The following INSC variants were observed in gnomAD, a reference collection of about 807,000 sequenced individuals.
The protein encoded by INSC is protein inscuteable homolog.
A neutral mutation model predicts 58.6 loss-of-function variants in INSC; 67 were observed. The ratio of observed to expected loss-of-function variants is 1.14; its 90% CI spans 0.94 to 1.40. INSC has a LOEUF of 1.40. INSC is among the 40% of genes most tolerant of loss of function. The probability of loss-of-function intolerance (pLI) is 0.00; values close to 1 mark genes in which losing one functional copy is unlikely to be tolerated. For missense variants in INSC, 714 were observed against 692.0 expected, an observed-to-expected ratio of 1.03 and a Z score of -0.36; for synonymous variants, 262 against 276.1, an observed-to-expected ratio of 0.95 and a Z score of 0.51.
At chr11:15,217,384 G>A (rs554430552) in intron 7 of INSC, among the ~76,000 whole-genome samples, 9 of 152,316 alleles carry the variant, frequency 5.9e-5, no homozygotes, top group Non-Finnish European at 1.2e-4. Flanking sequence ...GATTTGGGTG[G>A]GGACACAGCC....
intron 2 of INSC, among the ~76,000 whole-genome samples, chr11:15,161,280 T>C (rs1030109524): frequency 1.3e-5 from 2 of 152,174 alleles, no homozygotes; most frequent in Admixed American, 6.5e-5. Context: ...AGTTATACCA[T>C]AGGATTTACT....
At chr11:15,206,356 T>C (rs1472818638) in intron 7 of INSC, among the ~76,000 whole-genome samples, 7 of 152,012 alleles carry the variant, frequency 4.6e-5, no homozygotes, top group African/African-American at 1.7e-4. Context: ...AAAGCAGTCT[T>C]AACAAGGGCA....
chr11:15,160,963 T>C (rs771677720), intron 2 of INSC, among the ~76,000 whole-genome samples: 39 of 152,262 alleles, frequency 2.6e-4, no homozygotes, highest in Non-Finnish European at 1.6e-4. Context: ...AGCATTTTAC[T>C]GAATACTAGT....
At chr11:15,177,981 C>T (rs952184015) in intron 4 of INSC, among the ~76,000 whole-genome samples, 6 of 152,218 alleles carry the variant, frequency 3.9e-5, no homozygotes, top group African/African-American at 4.8e-5. Context: ...TTTGAAGCTT[C>T]TTGCCCCTTC....
At chr11:15,213,937 C>T (rs779376476) in intron 7 of INSC, among the ~76,000 whole-genome samples, 41 of 152,254 alleles carry the variant, frequency 2.7e-4, no homozygotes, top group African/African-American at 7.7e-4. Context: ...TCTATCACCA[C>T]GCCATAAAAC....
At chr11:15,160,891 G>T (rs1393533707) in intron 2 of INSC, among the ~76,000 whole-genome samples, 1 of 152,186 alleles carries the variant, frequency 6.6e-6, no homozygotes, top group African/African-American at 2.4e-5. Flanking sequence ...CTGAAATCTG[G>T]CACTGTCAGA....
chr11:15,176,969 A>T, intron 3 of INSC, 142 bp from the exon 4 acceptor site: 1 of 711,652 alleles, frequency 1.4e-6, no homozygotes, highest in Non-Finnish European at 2.5e-6. Flanking sequence ...CACCTGTATC[A>T]CACTGTGTTA....
intron 6 of INSC, among the ~76,000 whole-genome samples, chr11:15,196,692 G>A (rs1164519693): frequency 6.6e-6 from 1 of 152,164 alleles, no homozygotes; most frequent in Non-Finnish European, 1.5e-5. Context: ...CTGCAGTAAA[G>A]TAGTAATAAT....
intron 1 of INSC, among the ~76,000 whole-genome samples, chr11:15,117,517 T>A (rs1432979980): frequency 1.3e-5 from 2 of 152,246 alleles, no homozygotes; most frequent in African/African-American, 2.4e-5. Context: ...GGGAAGCTCT[T>A]AGTCCATCAT....
intron 1 of INSC, among the ~76,000 whole-genome samples, chr11:15,128,922 G>A (rs1465908818): frequency 6.6e-6 from 1 of 152,148 alleles, no homozygotes; most frequent in East Asian, 1.9e-4. Flanking sequence ...TTCATTTTAA[G>A]AAGCTTTTTT....
chr11:15,176,379 G>A (rs1021349940), intron 3 of INSC, among the ~76,000 whole-genome samples: 1 of 152,058 alleles, frequency 6.6e-6, no homozygotes, highest in African/African-American at 2.4e-5. Flanking sequence ...TTTAATGCCA[G>A]ACTGCTTGGG....
intron 9 of INSC, among the ~76,000 whole-genome samples, chr11:15,229,941 TATAATATTATATATATA>T (rs1851786116): frequency 4.5e-4 from 3 of 6,670 alleles, no homozygotes; most frequent in Non-Finnish European, 1.4e-3. Context: ...ATTATATATA[TATAATATTATATATATA>T]TTTATATATA....
intron 9 of INSC, among the ~76,000 whole-genome samples, chr11:15,229,974 AT>A (rs1358940317): frequency 6.2e-4 from 8 of 12,922 alleles, no homozygotes; most frequent in African/African-American, 2.6e-3. Flanking sequence ...ATATATATAT[AT>A]ATATTATATA....
chr11:15,233,247 A>G (rs1851991991), intron 9 of INSC, among the ~76,000 whole-genome samples: 1 of 152,208 alleles, frequency 6.6e-6, no homozygotes. Context: ...AATAGAACTT[A>G]ATTGAACATC....
At position 15,235,623 on chromosome 11, in the gene INSC, A is replaced by T. The variant is rs745731034; in HGVS notation, c.1192A>T (p.Met398Leu). ...CCAGATTGTGACCATCTTGGCAAACATGTCTGTCCTAGAACAGTGTGCCTC... is the reference window on the plus strand; with the variant it reads ...CCAGATTGTGACCATCTTGGCAAACTTGTCTGTCCTAGAACAGTGTGCCTC... Reference protein sequence around the residue: ...RDQIVTILANMSVLEQCASDI... With the variant: ...RDQIVTILANLSVLEQCASDI... The change falls in exon 10 of 13, where the codon ATG (methionine) becomes TTG (leucine). Residue 398 changes from methionine to leucine, a missense_variant. By Grantham distance (15) the Met-to-Leu change is conservative. Transcript: ENST00000379556. 1.4e-5 allele frequency: 22 copies of T among 1,614,046 alleles called. No homozygotes were observed. Among genetic ancestry groups the T allele is most frequent in the Non-Finnish European group, 1.4e-5 (17 of 1,179,898 alleles).
chr11:15,180,975 T>C (rs557056348), intron 5 of INSC, among the ~76,000 whole-genome samples: 1 of 152,308 alleles, frequency 6.6e-6, no homozygotes, highest in South Asian at 2.1e-4. Context: ...TAAGCATGTG[T>C]TTCTTAAACT....
At chr11:15,145,217 A>G (rs1463365250) in intron 1 of INSC, among the ~76,000 whole-genome samples, 2 of 152,202 alleles carry the variant, frequency 1.3e-5, no homozygotes, top group African/African-American at 4.8e-5. Context: ...AATCCTCATG[A>G]TGCTCCTGGG....
chr11:15,173,712 G>C (rs939439385), intron 2 of INSC, among the ~76,000 whole-genome samples: 1 of 152,092 alleles, frequency 6.6e-6, no homozygotes, highest in African/African-American at 2.4e-5. Flanking sequence ...GGCAGAGACA[G>C]AGAAATCATT....
At chr11:15,250,983 C>T (rs185209767), downstream of INSC, among the ~76,000 whole-genome samples, 64 of 152,262 alleles carry the variant, frequency 4.2e-4, no homozygotes, top group African/African-American at 1.5e-3. Flanking sequence ...TTGCAATAAT[C>T]CAAGAAGTTC....
Sources: gnomAD v4.1 joint callset for allele counts (sites outside exome capture counted in the v4.1 genomes callset) on GRCh38, gnomAD v4.1.1 for gene constraint, MANE v1.5 for transcripts, NCBI Gene and HGNC (gene_info 2026-07-23, HGNC 2026-07-21) for gene names.